The following POT1 variants were observed in gnomAD, a reference collection of about 807,000 sequenced individuals.
POT1 encodes protection of telomeres 1, also known as protection of telomeres protein 1.
A neutral mutation model predicts 78.5 loss-of-function variants in POT1; 47 were observed. That is an observed-to-expected ratio of 0.60 (90% CI 0.47 to 0.76). The LOEUF (loss-of-function observed/expected upper bound fraction) is 0.76, where lower values mean the gene tolerates loss of function less well. Among genes scored for constraint, POT1 ranks in the 30% least tolerant of loss-of-function variants. The probability of loss-of-function intolerance (pLI) is 0.00; values close to 1 mark genes in which losing one functional copy is unlikely to be tolerated. For missense variants in POT1, 646 were observed against 749.9 expected (o/e 0.86, Z 1.62); for synonymous variants, 259 against 260.7 (o/e 0.99, Z 0.06).
At chr7:124,896,632 T>C (rs565734741) in intron 5 of POT1, among the ~76,000 whole-genome samples, 4 of 151,878 alleles carry the variant, frequency 2.6e-5, no homozygotes, top group East Asian at 1.9e-4. Context: ...CGGCTACAAG[T>C]AGACTATCTG....
intron 12 of POT1, 66 bp downstream of exon 12, chr7:124,846,876 A>T: frequency 1.8e-6 from 2 of 1,082,558 alleles, no homozygotes; most frequent in Non-Finnish European, 2.8e-6. Flanking sequence ...ATTAGCTGGT[A>T]AGTGTAGAGG....
At chr7:124,835,458 T>G in intron 14 of POT1, 44 bp from the exon 15 acceptor site, 1 of 1,588,272 alleles carries the variant, frequency 6.3e-7, no homozygotes, top group Non-Finnish European at 8.6e-7. Context: ...GCAAATAAAA[T>G]GTAGACAAGT....
intron 3 of POT1, among the ~76,000 whole-genome samples, chr7:124,898,665 C>T (rs1182942592): frequency 1.3e-5 from 2 of 151,934 alleles, no homozygotes; most frequent in African/African-American, 4.8e-5. Flanking sequence ...TGTAGTGAAA[C>T]TCAGATGTTC....
intron 2 of POT1, among the ~76,000 whole-genome samples, chr7:124,918,723 C>A (rs915315213): frequency 2.0e-5 from 3 of 152,162 alleles, no homozygotes; most frequent in African/African-American, 7.2e-5. Flanking sequence ...TACAATTCAA[C>A]AGATGAAATC....
At chr7:124,863,032 G>C (rs956876059) in intron 8 of POT1, among the ~76,000 whole-genome samples, 1 of 152,044 alleles carries the variant, frequency 6.6e-6, no homozygotes, top group South Asian at 2.1e-4. Flanking sequence ...AAATATTCAT[G>C]TATAGGACTA....
chr7:124,927,766 T>G (rs1402862251), intron 2 of POT1, among the ~76,000 whole-genome samples: 2 of 152,180 alleles, frequency 1.3e-5, no homozygotes, highest in African/African-American at 4.8e-5. Flanking sequence ...ATGACCAAAA[T>G]TGAACTTATC....
Position 124,863,628 on chromosome 7 carries a change from T to C in POT1, c.268A>G (p.Lys90Glu), listed in dbSNP as rs1554427012. The change falls in exon 8 of 19, where the codon AAA (lysine) becomes GAA (glutamate). Residue 90 changes from lysine to glutamate, a missense_variant. By Grantham distance (56) the Lys-to-Glu change is moderately conservative. Transcript: ENST00000357628. Reference protein sequence around the residue: ...RFHRLKIQVYKKETQGITSSG... With the variant: ...RFHRLKIQVYEKETQGITSSG... Reference sequence around the variant, plus strand: ...CTGGTGATACCCTGAGTCTCCTTTTTATATACTTGAATCTAAGAAAGTAGG... The same window carrying C: ...CTGGTGATACCCTGAGTCTCCTTTTCATATACTTGAATCTAAGAAAGTAGG... The C allele has an allele frequency of 1.2e-6, 2 of 1,609,414 alleles. No individual in the cohort carries two copies. Among genetic ancestry groups the C allele is most frequent in the Non-Finnish European group, 1.7e-6 (2 of 1,178,470 alleles).
intron 13 of POT1, among the ~76,000 whole-genome samples, chr7:124,842,342 C>T (rs1033303097): frequency 2.0e-5 from 3 of 151,830 alleles, no homozygotes; most frequent in Non-Finnish European, 2.9e-5. Context: ...AGTAAAGGCA[C>T]TGAGAAATTC....
At chr7:124,892,137 T>G (rs1046436009) in intron 6 of POT1, 129 bp downstream of exon 6, 4 of 562,886 alleles carry the variant, frequency 7.1e-6, no homozygotes, top group Non-Finnish European at 1.3e-5. Flanking sequence ...AGAATATGCA[T>G]CAGTGTTGTT....
At chr7:124,921,548 A>C (rs1027111137) in intron 2 of POT1, among the ~76,000 whole-genome samples, 1 of 152,198 alleles carries the variant, frequency 6.6e-6, no homozygotes, top group Non-Finnish European at 1.5e-5. Flanking sequence ...AAGAATATAG[A>C]CAAGCAAAAC....
Position 124,823,850 on chromosome 7 carries a change from T to C in POT1, c.*112A>G. 1 of 705,380 alleles carries C rather than the reference T, an allele frequency of 1.4e-6. No individual in the cohort carries two copies. The highest frequency in any genetic ancestry group is 2.5e-6 in the Non-Finnish European group (1 of 396,664). 43.7% of individuals were successfully genotyped at this position (705,380 alleles called of 1,614,324 possible). A position where few individuals can be genotyped will look rare whatever the true frequency, so the allele number is the denominator to read the frequency against. On this transcript the variant is annotated 3_prime_UTR_variant, in exon 19 of 19. Coordinates refer to ENST00000357628, the MANE Select transcript of POT1 (RefSeq NM_015450.3). ...AAGGTAAGGACATTTTCTAATCCCA[T>C]ACCCATGCTAACATCATCAACATTG...
intron 2 of POT1, among the ~76,000 whole-genome samples, chr7:124,917,511 T>A (rs1213090757): frequency 6.6e-6 from 1 of 152,054 alleles, no homozygotes; most frequent in African/African-American, 2.4e-5. Context: ...AAGAAAGACC[T>A]ACACATGCCC....
chr7:124,915,147 G>T (rs1235661620), intron 3 of POT1, among the ~76,000 whole-genome samples: 1 of 152,144 alleles, frequency 6.6e-6, no homozygotes, highest in Non-Finnish European at 1.5e-5. Flanking sequence ...TTAGTAGTCA[G>T]TAGTTGTAGA....
intron 3 of POT1, among the ~76,000 whole-genome samples, chr7:124,900,515 C>T (rs1393838589): frequency 6.6e-6 from 1 of 152,032 alleles, no homozygotes; most frequent in Admixed American, 6.6e-5. Flanking sequence ...GTTCCTTGGA[C>T]TGAAAGTAAT....
chr7:124,867,723 T>C (rs1026990875), intron 7 of POT1, among the ~76,000 whole-genome samples: 2 of 152,098 alleles, frequency 1.3e-5, no homozygotes, highest in Non-Finnish European at 2.9e-5. Context: ...CTCGGCTCAC[T>C]GCAACCTCTG....
intron 14 of POT1, among the ~76,000 whole-genome samples, chr7:124,839,353 A>G (rs1794971573): frequency 6.6e-6 from 1 of 152,190 alleles, no homozygotes; most frequent in Non-Finnish European, 1.5e-5. Context: ...AACATAAAGA[A>G]CTGTAAAGCA....
At position 124,851,984 on chromosome 7, in the gene POT1, T is replaced by C. The variant is rs7784168; in HGVS notation, c.870-33A>G. The stretch of plus-strand genomic sequence containing the variant: ...TGAAAGAATACAATTTCAAATTGCA[T>C]AAAACAAAGTCAATATAGTAAATTT... On this transcript the variant is annotated intron_variant, in intron 10 of 18. Coordinates refer to ENST00000357628, the MANE Select transcript of POT1 (RefSeq NM_015450.3). 445,954 of 1,406,024 alleles carry C rather than the reference T, an allele frequency of 0.32. 72,118 individuals carry two copies. The highest frequency in any genetic ancestry group is 0.39 in the South Asian group (32,504 of 83,876). The allele number at this position is 1,406,024 out of a possible 1,614,324, so 87.1% of individuals were successfully genotyped here.
intron 6 of POT1, among the ~76,000 whole-genome samples, chr7:124,873,698 C>A (rs535063949): frequency 1.3e-5 from 2 of 152,084 alleles, no homozygotes; most frequent in Admixed American, 6.6e-5. Flanking sequence ...ATGTTTGATA[C>A]AATTTGATGC....
intron 2 of POT1, among the ~76,000 whole-genome samples, chr7:124,928,248 C>T (rs1442657167): frequency 2.0e-5 from 3 of 152,140 alleles, no homozygotes; most frequent in African/African-American, 7.2e-5. Context: ...ATCTTGCATT[C>T]GCCAATATAT....
Sources: allele counts gnomAD v4.1 joint callset (sites outside exome capture counted in the v4.1 genomes callset), GRCh38; gene constraint gnomAD v4.1.1; transcripts MANE v1.5; gene names NCBI Gene and HGNC (gene_info 2026-07-23, HGNC 2026-07-21).